Variants in CYP2C18 observed in about 807,000 individuals in gnomAD.
CYP2C18 encodes cytochrome P450 2C18.
CYP2C18 carries 38 observed loss-of-function variants against 41.3 expected under a neutral mutation model. That is an observed-to-expected ratio of 0.92 (90% confidence interval 0.71 to 1.21). The LOEUF (loss-of-function observed/expected upper bound fraction) is 1.21, where lower values mean the gene tolerates loss of function less well. Among genes scored for constraint, CYP2C18 ranks in the 50% most tolerant of loss-of-function variants. CYP2C18 has a pLI of 0.00. For missense variants in CYP2C18, 635 were observed against 591.4 expected (o/e 1.07, Z -0.77); for synonymous variants, 236 against 210.0 (o/e 1.12, Z -1.07).
chr10:94,694,580 A>T (rs1294610691), intron 3 of CYP2C18, among the ~76,000 whole-genome samples: 2 of 152,172 alleles, frequency 1.3e-5, no homozygotes, highest in African/African-American at 4.8e-5. Context: ...TGCACTGATG[A>T]CCTGAATTAT....
At chr10:94,709,420 T>G (rs1847396637) in intron 5 of CYP2C18, among the ~76,000 whole-genome samples, 1 of 152,224 alleles carries the variant, frequency 6.6e-6, no homozygotes, top group Non-Finnish European at 1.5e-5. Flanking sequence ...AAAAGTATAT[T>G]CAGACCTTTT....
intron 6 of CYP2C18, among the ~76,000 whole-genome samples, 163 bp downstream of exon 6, chr10:94,720,700 A>C (rs1847632490): frequency 3.9e-5 from 6 of 152,208 alleles, no homozygotes; most frequent in Admixed American, 3.9e-4. Flanking sequence ...AGAATGAGAC[A>C]AATTTGCACA....
At chr10:94,699,830 A>ACAGAG (rs1235920815) in intron 4 of CYP2C18, among the ~76,000 whole-genome samples, 1 of 152,192 alleles carries the variant, frequency 6.6e-6, no homozygotes, top group Non-Finnish European at 1.5e-5. Flanking sequence ...TTATACACCA[A>ACAGAG]TAACAGAGAA....
chr10:94,712,489 G>T (rs964986347), intron 5 of CYP2C18, among the ~76,000 whole-genome samples: 1 of 151,952 alleles, frequency 6.6e-6, no homozygotes, highest in African/African-American at 2.4e-5. Flanking sequence ...ATGTTCTCCA[G>T]TTCCATCCCT....
At chr10:94,700,106 G>T (rs553054175) in intron 4 of CYP2C18, among the ~76,000 whole-genome samples, 10 of 152,170 alleles carry the variant, frequency 6.6e-5, no homozygotes, top group East Asian at 3.9e-4. Flanking sequence ...ATGACTTTCT[G>T]CACAGAATTG....
In CYP2C18 at chr10:94,720,551, A is replaced by G. The variant is rs757648830; in HGVS notation, c.961+14A>G. 7.5e-6 allele frequency: 12 copies of G among 1,608,040 alleles called. No homozygotes were observed. Among genetic ancestry groups the G allele is most frequent in the Middle Eastern group, 1.8e-4 (1 of 5,566 alleles). On this transcript the variant is annotated intron_variant, in intron 6 of 8. Transcript: ENST00000285979. ...CAGAGGTCACAGGTATGATGATACCATAGGTGAGCAGGGTGATTTTCAGAA... is the reference window on the plus strand; with the variant it reads ...CAGAGGTCACAGGTATGATGATACCGTAGGTGAGCAGGGTGATTTTCAGAA...
intron 4 of CYP2C18, among the ~76,000 whole-genome samples, chr10:94,705,182 T>TA (rs761500750): frequency 4.6e-5 from 7 of 152,060 alleles, no homozygotes; most frequent in Non-Finnish European, 1.0e-4. Flanking sequence ...TATGTAGCCA[T>TA]AAAAAGGAAT....
At chr10:94,690,196 C>T (rs1346348130) in intron 3 of CYP2C18, among the ~76,000 whole-genome samples, 1 of 152,168 alleles carries the variant, frequency 6.6e-6, no homozygotes, top group East Asian at 1.9e-4. Context: ...AATTTTAAAA[C>T]AACTGGATTT....
intron 6 of CYP2C18, among the ~76,000 whole-genome samples, chr10:94,721,544 G>A (rs1847644826): frequency 6.6e-6 from 1 of 151,738 alleles, no homozygotes; most frequent in South Asian, 2.1e-4. Flanking sequence ...TGGGCTTTCA[G>A]TGTACCCTTC....
chr10:94,712,920 T>A (rs2134195601), intron 5 of CYP2C18, among the ~76,000 whole-genome samples: 1 of 152,314 alleles, frequency 6.6e-6, no homozygotes, highest in Non-Finnish European at 1.5e-5. Context: ...TTTTAATTTG[T>A]AACTTTTTAA....
chr10:94,717,708 G>A (rs1847576946), intron 5 of CYP2C18, among the ~76,000 whole-genome samples: 1 of 152,080 alleles, frequency 6.6e-6, no homozygotes, highest in South Asian at 2.1e-4. Context: ...ATTTATTTAA[G>A]AGACTGTCCC....
intron 5 of CYP2C18, among the ~76,000 whole-genome samples, chr10:94,712,008 A>AT (rs35672164): frequency 0.06 from 5,898 of 97,848 alleles, 692 homozygotes; most frequent in African/African-American, 0.19. Flanking sequence ...TGCCCAACTA[A>AT]TTTTTTTTTT....
intron 5 of CYP2C18, among the ~76,000 whole-genome samples, chr10:94,710,363 T>G (rs780759864): frequency 6.6e-6 from 1 of 152,218 alleles, no homozygotes; most frequent in Non-Finnish European, 1.5e-5. Flanking sequence ...GCTATTTTGG[T>G]TGTGTAGAGT....
At chr10:94,718,113 C>T (rs1847586619) in intron 5 of CYP2C18, among the ~76,000 whole-genome samples, 1 of 151,670 alleles carries the variant, frequency 6.6e-6, no homozygotes, top group African/African-American at 2.4e-5. Flanking sequence ...TTATTTGTGT[C>T]TTCTTCATTT....
intron 5 of CYP2C18, among the ~76,000 whole-genome samples, chr10:94,716,554 T>C (rs979735154): frequency 2.6e-5 from 4 of 152,178 alleles, no homozygotes; most frequent in Non-Finnish European, 5.9e-5. Context: ...GACAGTTTGT[T>C]ATAATTTCTG....
At chr10:94,724,634 A>C in intron 7 of CYP2C18, 101 bp downstream of exon 7, 1 of 1,170,298 alleles carries the variant, frequency 8.5e-7, no homozygotes, top group African/African-American at 1.5e-5. Flanking sequence ...AGAAGTGTAA[A>C]ATTCATACGT....
intron 6 of CYP2C18, among the ~76,000 whole-genome samples, chr10:94,722,490 A>G (rs1847663769): frequency 6.6e-6 from 1 of 152,190 alleles, no homozygotes. Context: ...AACTTCTCAG[A>G]CACAGAGAGC....
chr10:94,722,925 A>G (rs1435907932), intron 6 of CYP2C18, among the ~76,000 whole-genome samples: 1 of 152,154 alleles, frequency 6.6e-6, no homozygotes, highest in Non-Finnish European at 1.5e-5. Context: ...ATTTTTCACC[A>G]TTTAGATAGA....
At chr10:94,733,223 C>G in intron 7 of CYP2C18, 74 bp from the exon 8 acceptor site, 1 of 1,386,614 alleles carries the variant, frequency 7.2e-7, no homozygotes, top group Non-Finnish European at 1.0e-6. Flanking sequence ...AGAGATTGGA[C>G]TAGGTGATTT....
Sources: allele counts gnomAD v4.1 joint callset (sites outside exome capture counted in the v4.1 genomes callset), GRCh38; gene constraint gnomAD v4.1.1; transcripts MANE v1.5; gene names NCBI Gene and HGNC (gene_info 2026-07-23, HGNC 2026-07-21).